ECI2: variants seen among roughly 807,000 people sequenced by gnomAD.
ECI2 encodes the protein D3,D2-enoyl-CoA isomerase.
Under a neutral mutation model 38.4 loss-of-function variants are expected in ECI2, and 27 were observed. The ratio of observed to expected loss-of-function variants is 0.70; its 90% CI spans 0.52 to 0.97. ECI2 has a LOEUF of 0.97. Ranked by LOEUF, ECI2 falls within the 50% of genes least tolerant of loss-of-function variation. The pLI, the probability that ECI2 is intolerant of heterozygous loss-of-function variation, is 0.00. For missense variants in ECI2, 470 were observed against 474.4 expected (o/e 0.99, Z 0.09); for synonymous variants, 168 against 172.0 (o/e 0.98, Z 0.18).
At chr6:4,124,987 G>T (rs896984026) in intron 7 of ECI2, 3 of 577,626 alleles carry the variant, frequency 5.2e-6, no homozygotes, top group Admixed American at 2.2e-5. Flanking sequence ...AGAATAACAT[G>T]AAAGCTGTAT....
In ECI2 at chr6:4,133,558, T is replaced by G; in HGVS notation, c.204A>C (p.Leu68=). ...GACCGTAGGCATTTACCTGCTTATA[T>G]AGCGCGTAGAGTTTTAGCTTCACTT... is the stretch of plus-strand genomic sequence containing the variant. ...GNEVKLKLYA[L]YKQATEGPCN... Residue 68 remains leucine, a synonymous_variant, in exon 2 of 10, where the codon CTA becomes CTC. Transcript: ENST00000380118. The G allele has an allele frequency of 1.9e-6, 3 of 1,611,194 alleles. No homozygotes were observed. Among genetic ancestry groups the G allele is most frequent in the Non-Finnish European group, 2.5e-6 (3 of 1,178,986 alleles).
At chr6:4,123,934 T>A (rs1581977421) in intron 7 of ECI2, among the ~76,000 whole-genome samples, 1 of 151,794 alleles carries the variant, frequency 6.6e-6, no homozygotes, top group Non-Finnish European at 1.5e-5. Context: ...GCATTCCAGC[T>A]TGGGTGACAG....
chr6:4,133,868 T>C, intron 1 of ECI2, 157 bp from the exon 2 acceptor site: 4 of 816,498 alleles, frequency 4.9e-6, no homozygotes, highest in East Asian at 6.1e-5. Flanking sequence ...AATAATTGGC[T>C]GTAAGGATTC....
At chr6:4,131,076 CCTGT>C (rs1447460699) in intron 2 of ECI2, 55 of 469,710 alleles carry the variant, frequency 1.2e-4, no homozygotes, top group African/African-American at 8.4e-4. Flanking sequence ...ATTATAACTG[CCTGT>C]CTATGAAAAT....
intron 1 of ECI2, chr6:4,133,919 T>A: frequency 2.1e-6 from 1 of 474,058 alleles, no homozygotes; most frequent in Non-Finnish European, 3.5e-6. Flanking sequence ...GTAGTAACTT[T>A]AAATAAAAGG....
At position 4,126,221 on chromosome 6, in the gene ECI2, G is replaced by A; in HGVS notation, c.588C>T (p.Tyr196=). ...ITVLTGNGDY[Y]SSGNDLTNFT... is the part of the protein sequence containing the mutation. ...AGTTAGTCAGATCATTCCCACTACTGTAATAGTCACCATTTCCTATAAGTA... is the reference window on the plus strand; with the variant it reads ...AGTTAGTCAGATCATTCCCACTACTATAATAGTCACCATTTCCTATAAGTA... The change falls in exon 6 of 10, where the codon TAC becomes TAT. Residue 196 remains tyrosine, a synonymous_variant. Transcript: ENST00000380118. The A allele has an allele frequency of 6.2e-7, 1 of 1,612,150 alleles. No homozygotes were observed. Among genetic ancestry groups the A allele is most frequent in the South Asian group, 1.1e-5 (1 of 90,676 alleles).
chr6:4,125,648 A>C (rs1773100595), intron 6 of ECI2: 2 of 483,476 alleles, frequency 4.1e-6, no homozygotes, highest in African/African-American at 1.9e-5. Context: ...TCAGGGCTGT[A>C]AACCAGCCGC....
intron 2 of ECI2, chr6:4,131,100 T>G: frequency 2.3e-6 from 1 of 438,008 alleles, no homozygotes; most frequent in Non-Finnish European, 4.0e-6. Context: ...TAATGCAGGA[T>G]AAAGGTTTTG....
At chr6:4,124,491 C>A (rs1336818370) in intron 7 of ECI2, among the ~76,000 whole-genome samples, 4 of 152,096 alleles carry the variant, frequency 2.6e-5, no homozygotes, top group Admixed American at 2.0e-4. Flanking sequence ...CAATCTGATA[C>A]CCTAAAGGTG....
rs1179398990 is a variant in ECI2, at chr6:4,126,253, T to G, written c.572-16A>C. On this transcript the variant is annotated splice_polypyrimidine_tract_variant and intron_variant, in intron 5 of 9. Transcript: ENST00000380118. ...TCACCATTTCCTATAAGTAAGAAAA[T>G]CAACAGATCCCTCATTCAATCATCC... The G allele has an allele frequency of 6.3e-7, 1 of 1,592,038 alleles. No individual in the cohort carries two copies. Among genetic ancestry groups the G allele is most frequent in the Non-Finnish European group, 8.6e-7 (1 of 1,164,124 alleles).
chr6:4,122,400 T>C (rs1772860028), intron 7 of ECI2, among the ~76,000 whole-genome samples: 1 of 152,142 alleles, frequency 6.6e-6, no homozygotes, highest in African/African-American at 2.4e-5. Context: ...TTTGTATTTT[T>C]AGTAGAGACG....
intron 1 of ECI2, 78 bp downstream of exon 1, chr6:4,135,433 C>T (rs1160384608): frequency 1.9e-6 from 3 of 1,606,740 alleles, no homozygotes; most frequent in Admixed American, 1.7e-5. Flanking sequence ...GGAGGGTCTT[C>T]CAACGGCGGC....
At chr6:4,117,269 C>G (rs1298600428) in intron 9 of ECI2, 39 bp downstream of exon 9, 1 of 1,549,748 alleles carries the variant, frequency 6.5e-7, no homozygotes, top group South Asian at 1.2e-5. Flanking sequence ...CTTAGGAAAT[C>G]ATTTTCAAGG....
At chr6:4,125,491 C>A in intron 6 of ECI2, 121 bp from the exon 7 acceptor site, 5 of 1,381,402 alleles carry the variant, frequency 3.6e-6, no homozygotes, top group Non-Finnish European at 4.9e-6. Flanking sequence ...ACAGCCACCA[C>A]CAGCAGTGCC....
At chr6:4,127,091 T>C (rs546597729) in intron 5 of ECI2, among the ~76,000 whole-genome samples, 1 of 152,344 alleles carries the variant, frequency 6.6e-6, no homozygotes, top group South Asian at 2.1e-4. Flanking sequence ...CCTGTCTTTA[T>C]TTTGCTGAAC....
In ECI2 at chr6:4,116,001, C is replaced by T. The variant is rs763486525; in HGVS notation, c.1058G>A (p.Arg353Lys). Residue 353 changes from arginine to lysine, a missense_variant, in exon 10 of 10, where the codon AGG becomes AAG. Transcript: ENST00000380118. ...GTGTAGTTTTTCTCTCTCTCTTTTC[C>T]TGATTACCTCTTTTGAAATTCTCAA... Reference protein sequence around the residue: ...NALRISKEVIRKREREKLHAV... With the variant: ...NALRISKEVIKKREREKLHAV... 3 of 1,613,690 alleles carry T rather than the reference C, an allele frequency of 1.9e-6. No individual in the cohort carries two copies. The highest frequency in any genetic ancestry group is 2.5e-6 in the Non-Finnish European group (3 of 1,179,894).
chr6:4,125,960 G>A (rs1561654974), intron 6 of ECI2, 175 bp downstream of exon 6: 2 of 690,534 alleles, frequency 2.9e-6, no homozygotes, highest in Non-Finnish European at 5.3e-6. Context: ...AGGTCAAAGA[G>A]AAAGAATGAA....
rs1581983826 is a variant in ECI2 at position 4,126,338 on chromosome 6, G to C, written c.572-101C>G. ...TATGGTTAGGCAAGGGAAATACATT[G>C]GAGAACGAGCAATGGTTCCTGCCCT... On this transcript the variant is annotated intron_variant, in intron 5 of 9. Transcript: ENST00000380118. 6.1e-6 allele frequency: 6 copies of C among 977,642 alleles called. No individual in the cohort carries two copies. In the East Asian group the frequency reaches 1.2e-4, roughly 20 times the overall value. 60.6% of individuals were successfully genotyped at this position (977,642 alleles called of 1,614,324 possible).
At chr6:4,129,518 C>G (rs545553750) in intron 4 of ECI2, among the ~76,000 whole-genome samples, 1 of 152,098 alleles carries the variant, frequency 6.6e-6, no homozygotes, top group Non-Finnish European at 1.5e-5. Flanking sequence ...ACAGTAGGCT[C>G]CCTGTGAGAA....
Sources: gnomAD v4.1 joint callset for allele counts (sites outside exome capture counted in the v4.1 genomes callset) on GRCh38, gnomAD v4.1.1 for gene constraint, MANE v1.5 for transcripts, NCBI Gene and HGNC (gene_info 2026-07-23, HGNC 2026-07-21) for gene names.